S100Z: variants seen among roughly 807,000 people sequenced by gnomAD.
The protein encoded by S100Z is S100 calcium binding protein Z.
In S100Z, 11 loss-of-function variants were observed where a neutral mutation model predicts 8.5. The observed-to-expected ratio is 1.30, with a 90% CI of 0.82 to 2.15. The LOEUF (loss-of-function observed/expected upper bound fraction) is 2.15, where lower values mean the gene tolerates loss of function less well. Ranked by LOEUF, S100Z falls within the 30% of genes most tolerant of loss-of-function variation. The pLI is 0.00. For missense variants in S100Z, 126 were observed against 117.9 expected (o/e 1.07, Z -0.32); for synonymous variants, 34 against 43.8 (o/e 0.78, Z 0.89).
chr5:76,949,387 TCA>T, the S100Z span, among the ~76,000 whole-genome samples: 1 of 148,402 alleles, frequency 6.7e-6, no homozygotes, highest in African/African-American at 2.6e-5. Context: ...AGACTCCATC[TCA>T]AAAAAAAAAT....
At chr5:76,913,901 C>T (rs1382647489) in intron 4 of S100Z, among the ~76,000 whole-genome samples, 4 of 152,234 alleles carry the variant, frequency 2.6e-5, no homozygotes, top group Admixed American at 2.6e-4. Context: ...CTTATACCAA[C>T]TTCTGGAGTT....
At chr5:76,867,624 C>G (rs1029868443) in intron 1 of S100Z, among the ~76,000 whole-genome samples, 1 of 148,174 alleles carries the variant, frequency 6.7e-6, no homozygotes, top group South Asian at 2.1e-4. Context: ...TGGGGTCTCA[C>G]TCTGTCTCCC....
intron 1 of S100Z, among the ~76,000 whole-genome samples, chr5:76,865,773 G>A (rs1378739866): frequency 6.6e-6 from 1 of 151,526 alleles, no homozygotes; most frequent in Admixed American, 6.6e-5. Context: ...AGCACTTTGG[G>A]CGGTTGAGGT....
chr5:76,902,676 A>G (rs1313645898), intron 4 of S100Z, among the ~76,000 whole-genome samples: 2 of 148,978 alleles, frequency 1.3e-5, no homozygotes, highest in Non-Finnish European at 3.0e-5. Flanking sequence ...TTCTGTGTAG[A>G]TAGTTATTAA....
At chr5:76,936,185 C>T in the S100Z span, among the ~76,000 whole-genome samples, 3 of 151,970 alleles carry the variant, frequency 2.0e-5, no homozygotes, top group African/African-American at 7.2e-5. Context: ...AAAATAATAT[C>T]GTATGCGAGT....
intron 4 of S100Z, among the ~76,000 whole-genome samples, chr5:76,885,136 G>A (rs1743555346): frequency 6.6e-6 from 1 of 152,152 alleles, no homozygotes; most frequent in Non-Finnish European, 1.5e-5. Flanking sequence ...AGAAAATAAG[G>A]CGTTTAAGTT....
intron 4 of S100Z, among the ~76,000 whole-genome samples, chr5:76,890,971 C>T (rs1743837056): frequency 6.6e-6 from 1 of 152,176 alleles, no homozygotes; most frequent in Admixed American, 6.5e-5. Flanking sequence ...AAGCAATTCT[C>T]CTGCTTCAGC....
rs528507687 is a variant in S100Z at position 76,906,864 on chromosome 5, C to T, written c.*3-13853C>T. On this transcript the variant is annotated intron_variant, in intron 4 of 4. Transcript: ENST00000317593. ...GCCAGGCTGGTCTCAAACTCCTGAT[C>T]TCATGATCCTCCCACCTTGGCCTCC... Among the ~76,000 whole-genome samples, 13 of 151,460 alleles carry T rather than the reference C, an allele frequency of 8.6e-5. No homozygotes were observed. The East Asian group carries it at 1.6e-3, about 18-fold the overall frequency.
chr5:76,850,723 C>A (rs566339126), intron 1 of S100Z, among the ~76,000 whole-genome samples: 1 of 152,296 alleles, frequency 6.6e-6, no homozygotes, highest in South Asian at 2.1e-4. Flanking sequence ...CTGCTCTCAG[C>A]CTACAGAAGA....
intron 1 of S100Z, among the ~76,000 whole-genome samples, chr5:76,861,938 T>A (rs1478912152): frequency 6.6e-6 from 1 of 152,184 alleles, no homozygotes; most frequent in African/African-American, 2.4e-5. Flanking sequence ...GTTAGGGATT[T>A]TTTTTTCCTT....
chr5:76,883,892 C>T (rs992471391), intron 4 of S100Z, among the ~76,000 whole-genome samples: 36 of 152,212 alleles, frequency 2.4e-4, no homozygotes, highest in Non-Finnish European at 5.0e-4. Context: ...CTGGCAGTGG[C>T]GGTTCAGGTG....
At chr5:76,879,575 C>G (rs1330012754) in intron 4 of S100Z, among the ~76,000 whole-genome samples, 1 of 152,118 alleles carries the variant, frequency 6.6e-6, no homozygotes, top group Non-Finnish European at 1.5e-5. Context: ...GAAATATGAT[C>G]TGGTCTGGAT....
the S100Z span, among the ~76,000 whole-genome samples, chr5:76,941,474 C>T: frequency 6.6e-6 from 1 of 152,184 alleles, no homozygotes; most frequent in Non-Finnish European, 1.5e-5. Flanking sequence ...CCTTTGCTCC[C>T]CCTTCACTTT....
rs192100835 is a variant in S100Z, at chr5:76,888,665, C to T, written c.*2+10831C>T. Among the ~76,000 whole-genome samples, 649 of 152,132 alleles carry T rather than the reference C, an allele frequency of 4.3e-3. 2 individuals carry two copies. The highest frequency in any genetic ancestry group is 6.6e-3 in the Non-Finnish European group (452 of 67,984). ...TGCTGGGATTACAGGCGTGAGCCAC[C>T]GCGCCCAGCCATAGTGCTGGGATTA... On this transcript the variant is annotated intron_variant, in intron 4 of 4. Transcript: ENST00000317593.
the S100Z span, among the ~76,000 whole-genome samples, chr5:76,949,952 C>T: frequency 1.2e-4 from 18 of 151,038 alleles, no homozygotes; most frequent in African/African-American, 3.9e-4. Flanking sequence ...GAGTAGATCT[C>T]GTGTTTTAAC....
chr5:76,869,134 C>G (rs75841793), intron 1 of S100Z, among the ~76,000 whole-genome samples: 4,777 of 152,232 alleles, frequency 0.031, 240 homozygotes, highest in African/African-American at 0.11. Flanking sequence ...CTGAGCACTT[C>G]CATATGCCTG....
intron 4 of S100Z, among the ~76,000 whole-genome samples, chr5:76,881,087 A>C (rs547759251): frequency 6.3e-4 from 96 of 152,340 alleles, no homozygotes; most frequent in Non-Finnish European, 2.1e-4. Context: ...GGACTTCATC[A>C]GGGTGAAAGT....
chr5:76,853,324 T>C (rs879690603), intron 1 of S100Z, among the ~76,000 whole-genome samples: 1 of 152,174 alleles, frequency 6.6e-6, no homozygotes, highest in African/African-American at 2.4e-5. Flanking sequence ...ACACAGAAGA[T>C]AGGGAAGAAG....
At chr5:76,884,105 T>A (rs62363088) in intron 4 of S100Z, among the ~76,000 whole-genome samples, 84,955 of 152,000 alleles carry the variant, frequency 0.56, 25,634 homozygotes, top group Non-Finnish European at 0.67. Context: ...AGCAAATTGG[T>A]TAATAAAATA....
Sources: gnomAD v4.1 joint callset for allele counts (sites outside exome capture counted in the v4.1 genomes callset) on GRCh38, gnomAD v4.1.1 for gene constraint, MANE v1.5 for transcripts, NCBI Gene and HGNC (gene_info 2026-07-23, HGNC 2026-07-21) for gene names.